Variants in SGCD observed in about 807,000 individuals in gnomAD.
The protein encoded by SGCD is sarcoglycan delta, also known as delta-sarcoglycan.
In SGCD, 18 loss-of-function variants were observed where a neutral mutation model predicts 36.6. That is an observed-to-expected ratio of 0.49 (90% CI 0.34 to 0.73). The LOEUF (loss-of-function observed/expected upper bound fraction) is 0.73, where lower values mean the gene tolerates loss of function less well. Ranked by LOEUF, SGCD falls within the 30% of genes least tolerant of loss-of-function variation. SGCD has a pLI of 0.01. For synonymous variants in SGCD, 133 were observed against 130.6 expected, an observed-to-expected ratio of 1.02 and a Z score of -0.12; for missense variants, 387 against 346.7, an observed-to-expected ratio of 1.12 and a Z score of -0.92.
intron 3 of SGCD, among the ~76,000 whole-genome samples, chr5:156,187,904 C>T (rs1030334641): frequency 6.6e-6 from 1 of 152,136 alleles, no homozygotes; most frequent in African/African-American, 2.4e-5. Context: ...CTGCTCTCTC[C>T]TCCTAGTGAT....
intron 7 of SGCD, among the ~76,000 whole-genome samples, chr5:156,673,225 G>A (rs894086705): frequency 6.6e-6 from 1 of 152,180 alleles, no homozygotes; most frequent in Admixed American, 6.6e-5. Context: ...CTGTAGTTAT[G>A]CCTAAGCACA....
intron 7 of SGCD, among the ~76,000 whole-genome samples, chr5:156,676,106 C>T (rs1430250237): frequency 2.0e-5 from 3 of 152,136 alleles, no homozygotes; most frequent in Admixed American, 2.0e-4. Flanking sequence ...TTGTATTATC[C>T]AAGAGAGTGT....
At chr5:155,846,357 T>G in the SGCD span, among the ~76,000 whole-genome samples, 1 of 152,204 alleles carries the variant, frequency 6.6e-6, no homozygotes, top group South Asian at 2.1e-4. Context: ...TTCCTTTAGC[T>G]TTTCAGGAAT....
intron 4 of SGCD, among the ~76,000 whole-genome samples, chr5:156,570,852 A>T (rs1759690051): frequency 6.6e-6 from 1 of 152,070 alleles, no homozygotes; most frequent in Non-Finnish European, 1.5e-5. Flanking sequence ...GCTTTCTCTT[A>T]GTAAGACTTT....
At chr5:156,737,965 C>G (rs1315635150) in intron 7 of SGCD, among the ~76,000 whole-genome samples, 2 of 152,154 alleles carry the variant, frequency 1.3e-5, no homozygotes, top group Non-Finnish European at 2.9e-5. Flanking sequence ...AACCGATTTT[C>G]AATCCTGATC....
intron 3 of SGCD, among the ~76,000 whole-genome samples, chr5:156,150,660 T>C (rs1413850956): frequency 6.6e-6 from 1 of 151,678 alleles, no homozygotes; most frequent in Non-Finnish European, 1.5e-5. Flanking sequence ...CATAAGGGGA[T>C]AAGCTGTGGC....
chr5:155,973,511 T>A (rs1758046187), intron 1 of SGCD, among the ~76,000 whole-genome samples: 1 of 152,182 alleles, frequency 6.6e-6, no homozygotes, highest in Non-Finnish European at 1.5e-5. Context: ...TCAATGGTGA[T>A]GGGTTTTCTA....
chr5:156,208,141 T>A (rs1764340097), intron 3 of SGCD, among the ~76,000 whole-genome samples: 1 of 152,162 alleles, frequency 6.6e-6, no homozygotes, highest in African/African-American at 2.4e-5. Flanking sequence ...TTATAATCAG[T>A]GGAATTAATC....
Position 156,337,795 on chromosome 5 carries a change from G to A in SGCD, c.4-6694G>A, listed in dbSNP as rs140350599. On this transcript the variant is annotated intron_variant, in intron 2 of 8. Coordinates refer to ENST00000337851, the MANE Select transcript of SGCD (RefSeq NM_000337.6). ...TCCTTTTGAAGGCCTTTATCTCTAG[G>A]ACCTACTGACATATATAGTAGATGT... Among the ~76,000 whole-genome samples, 235 of 152,086 alleles carry A rather than the reference G, an allele frequency of 1.5e-3. 1 individual carries two copies. Among genetic ancestry groups the A allele is most frequent in the African/African-American group, 5.5e-3 (229 of 41,462 alleles).
intron 3 of SGCD, among the ~76,000 whole-genome samples, chr5:156,304,882 C>T (rs920448855): frequency 6.6e-6 from 1 of 152,126 alleles, no homozygotes; most frequent in African/African-American, 2.4e-5. Context: ...AGCAAAGAGA[C>T]TAGTTGCATT....
chr5:155,733,804 G>T, the SGCD span, among the ~76,000 whole-genome samples: 1 of 152,174 alleles, frequency 6.6e-6, no homozygotes, highest in South Asian at 2.1e-4. Flanking sequence ...TTGGTCTGGT[G>T]ATTTGACTTC....
chr5:156,406,014 T>C (rs1443795227), intron 3 of SGCD, among the ~76,000 whole-genome samples: 5 of 27,412 alleles, frequency 1.8e-4, no homozygotes, highest in Non-Finnish European at 2.8e-4. Context: ...GCCCTATCTT[T>C]GCTTAAAAAA....
At chr5:156,704,900 A>G (rs1284637530) in intron 7 of SGCD, among the ~76,000 whole-genome samples, 1 of 151,514 alleles carries the variant, frequency 6.6e-6, no homozygotes, top group Non-Finnish European at 1.5e-5. Context: ...CCTAGATTAA[A>G]AAAAAAAAAG....
At chr5:156,120,836 A>G (rs1392684277) in intron 2 of SGCD, among the ~76,000 whole-genome samples, 7 of 152,170 alleles carry the variant, frequency 4.6e-5, no homozygotes, top group Non-Finnish European at 1.0e-4. Flanking sequence ...TAATAACTCC[A>G]TCTATCATTG....
chr5:156,762,722 C>T lies in SGCD; in HGVS notation c.*3332C>T, dbSNP rs896636877. The T allele has an allele frequency of 2.0e-5, 3 of 152,598 alleles. No individual in the cohort carries two copies. Among genetic ancestry groups the T allele is most frequent in the Admixed American group, 2.0e-4 (3 of 15,268 alleles). The allele number at this position is 152,598 out of a possible 1,614,324, so 9.5% of individuals were successfully genotyped here. ...CATGTTTTCTGATTTTACACTACAG[C>T]AGCAGGATGGAGTAGTTGTGTCAGA... On this transcript the variant is annotated 3_prime_UTR_variant, in exon 9 of 9. Coordinates refer to ENST00000337851, the MANE Select transcript of SGCD (RefSeq NM_000337.6).
At chr5:156,018,686 A>G (rs532095277) in intron 1 of SGCD, among the ~76,000 whole-genome samples, 13 of 152,206 alleles carry the variant, frequency 8.5e-5, no homozygotes, top group Non-Finnish European at 1.6e-4. Flanking sequence ...GAGCTAGGTT[A>G]TCAGAAACAA....
intron 3 of SGCD, among the ~76,000 whole-genome samples, chr5:156,370,312 A>C (rs1370526630): frequency 6.6e-6 from 1 of 152,190 alleles, no homozygotes; most frequent in African/African-American, 2.4e-5. Flanking sequence ...CAGGCGATAC[A>C]TGTTGCTGTG....
chr5:156,529,362 T>C (rs984510292), intron 4 of SGCD, among the ~76,000 whole-genome samples: 7 of 149,696 alleles, frequency 4.7e-5, no homozygotes, highest in Non-Finnish European at 1.0e-4. Context: ...GAGGCAGAGG[T>C]TGCAGTGAGC....
chr5:155,915,329 A>G (rs1239881247), intron 1 of SGCD, among the ~76,000 whole-genome samples: 1 of 152,148 alleles, frequency 6.6e-6, no homozygotes, highest in Non-Finnish European at 1.5e-5. Context: ...TTCCCCAAGA[A>G]CTCATTTTCC....
Sources: allele counts gnomAD v4.1 joint callset (sites outside exome capture counted in the v4.1 genomes callset), GRCh38; gene constraint gnomAD v4.1.1; transcripts MANE v1.5; gene names NCBI Gene and HGNC (gene_info 2026-07-23, HGNC 2026-07-21).